The following ABCG2 variants were observed in gnomAD, a reference collection of about 807,000 sequenced individuals.
The protein encoded by ABCG2 is ATP binding cassette subfamily G member 2 (JR blood group), also known as broad substrate specificity ATP-binding cassette transporter ABCG2.
ABCG2 carries 80 observed loss-of-function variants against 73.5 expected under a neutral mutation model. The ratio of observed to expected loss-of-function variants is 1.09; its 90% CI spans 0.91 to 1.31. The LOEUF (loss-of-function observed/expected upper bound fraction) is 1.31, where lower values mean the gene tolerates loss of function less well. ABCG2 is among the 50% of genes most tolerant of loss of function. ABCG2 has a pLI of 0.00. For synonymous variants in ABCG2, 269 were observed against 282.4 expected (o/e 0.95, Z 0.48); for missense variants, 796 against 786.2 (o/e 1.01, Z -0.15).
rs1314673899 is a variant in ABCG2 at position 88,139,782 on chromosome 4, C to T, written c.203+11G>A. 2 of 1,610,584 alleles carry T rather than the reference C, an allele frequency of 1.2e-6. No homozygotes were observed. Among genetic ancestry groups the T allele is most frequent in the East Asian group, 4.5e-5 (2 of 44,828 alleles). ...TTAAAAAGCTGTCTTTTTACAAGTT[C>T]ATGTACATACTTGATATTCGATAAT... is the stretch of plus-strand genomic sequence containing the variant. On this transcript the variant is annotated intron_variant, in intron 2 of 15. Coordinates refer to ENST00000237612, the MANE Select transcript of ABCG2 (RefSeq NM_004827.3).
At chr4:88,159,050 C>T, upstream of ABCG2, 3 of 434,030 alleles carry the variant, frequency 6.9e-6, no homozygotes, top group Non-Finnish European at 1.4e-5. Context: ...GCTGAGCCGC[C>T]AGCAGGACTG....
At chr4:88,120,003 C>A (rs979232894) in intron 6 of ABCG2, among the ~76,000 whole-genome samples, 4 of 152,168 alleles carry the variant, frequency 2.6e-5, no homozygotes, top group African/African-American at 9.7e-5. Flanking sequence ...TTTACAGCAG[C>A]TCCTCCCATC....
At chr4:88,147,054 G>GAAAGAAAGAAAGAAAGAAAGAAAA (rs1560713877) in intron 1 of ABCG2, among the ~76,000 whole-genome samples, 21 of 82,240 alleles carry the variant, frequency 2.6e-4, no homozygotes, top group African/African-American at 1.3e-3. Flanking sequence ...AGAAAAGAAA[G>GAAAGAAAGAAAGAAAGAAAGAAAA]GTAAAGGAAA....
intron 1 of ABCG2, among the ~76,000 whole-genome samples, chr4:88,229,073 C>G (rs1730348088): frequency 6.6e-6 from 1 of 152,254 alleles, no homozygotes; most frequent in South Asian, 2.1e-4. Context: ...CCCTTCCACA[C>G]TGTGAAAGCT....
chr4:88,149,885 ACTT>A (rs1726333571), intron 1 of ABCG2, among the ~76,000 whole-genome samples: 1 of 152,126 alleles, frequency 6.6e-6, no homozygotes. Context: ...TATTTACTAG[ACTT>A]CTATTATCTG....
At position 88,131,915 on chromosome 4, in the gene ABCG2, A is replaced by AACCT; in HGVS notation, c.264-2_265dup (p.Leu89Ter). ...TTTCCTTGCAGCTAAGACATCTAAT[A>AACCT]ACCTATAAGAGGACATATATGTTGT... On this transcript the variant is annotated stop_gained and frameshift_variant and splice_region_variant, in exon 4 of 16. Transcript: ENST00000237612. LOFTEE classifies it high-confidence loss of function. The AACCT allele has an allele frequency of 6.2e-7, 1 of 1,610,858 alleles. No homozygotes were observed. Among genetic ancestry groups the AACCT allele is most frequent in the Non-Finnish European group, 8.5e-7 (1 of 1,177,212 alleles).
chr4:88,215,060 C>A (rs1402669455), intron 1 of ABCG2, among the ~76,000 whole-genome samples: 1 of 152,070 alleles, frequency 6.6e-6, no homozygotes, highest in African/African-American at 2.4e-5. Context: ...TCACTGCACT[C>A]CAGCCTGGGT....
chr4:88,230,305 ATATTTTTTT>A lies in ABCG2; in HGVS notation c.-20+680_-20+688del, dbSNP rs1162675410. ...CACCGCACCTGTTATATATATATAT[ATATTTTTTT>A]TTTTGGCCACATATATATATATATA... On this transcript the variant is annotated intron_variant, in intron 1 of 15. Coordinates refer to the ABCG2 transcript ENST00000515655. Among the ~76,000 whole-genome samples the A allele has an allele frequency of 9.1e-4, 4 of 4,392 alleles. 1 individual carries two copies. The highest frequency in any genetic ancestry group is 2.4e-3 in the African/African-American group (4 of 1,672). 2.9% of individuals were successfully genotyped at this position (4,392 alleles called of 152,430 possible). A position where few individuals can be genotyped will look rare whatever the true frequency, so the allele number is the denominator to read the frequency against.
At chr4:88,147,045 G>GAAAGAAAGAAAGAAAGAAAGAAAGAA (rs1553938164) in intron 1 of ABCG2, among the ~76,000 whole-genome samples, 13 of 133,194 alleles carry the variant, frequency 9.8e-5, no homozygotes, top group African/African-American at 3.5e-4. Flanking sequence ...AAGAAAGAAA[G>GAAAGAAAGAAAGAAAGAAAGAAAGAA]AAAAGAAAGG....
At chr4:88,099,563 C>T in intron 11 of ABCG2, 115 bp from the exon 12 acceptor site, 1 of 1,096,044 alleles carries the variant, frequency 9.1e-7, no homozygotes, top group South Asian at 1.7e-5. Flanking sequence ...AAGCCAGCTT[C>T]CCACATCCTC....
In ABCG2 at chr4:88,118,157, TAAG is replaced by T; in HGVS notation, c.790_792del (p.Leu264del). 2.5e-6 allele frequency: 4 copies of T among 1,614,116 alleles called. No individual in the cohort carries two copies. Among genetic ancestry groups the T allele is most frequent in the Non-Finnish European group, 3.4e-6 (4 of 1,180,000 alleles). On this transcript the variant is annotated inframe_deletion, in exon 7 of 16. Transcript: ENST00000237612. ...GCCTCCTGAGCAGGCCCGTGGAACATAAGTCTTCCTGAGGCCAATAAGGTGAGG... is the reference window on the plus strand; with the variant it reads ...GCCTCCTGAGCAGGCCCGTGGAACATTCTTCCTGAGGCCAATAAGGTGAGG...
chr4:88,204,492 A>T (rs567862367), intron 1 of ABCG2, among the ~76,000 whole-genome samples: 13 of 152,314 alleles, frequency 8.5e-5, no homozygotes, highest in Non-Finnish European at 1.6e-4. Flanking sequence ...TATAATATTG[A>T]TGATATATGT....
chr4:88,159,717 C>T (rs376340434), upstream of ABCG2, among the ~76,000 whole-genome samples: 88 of 152,184 alleles, frequency 5.8e-4, 1 homozygote, highest in African/African-American at 2.0e-3. Context: ...TAATGGTTCA[C>T]CCAATGCAGG....
chr4:88,138,376 T>G (rs1248884958), intron 2 of ABCG2, among the ~76,000 whole-genome samples: 2 of 152,160 alleles, frequency 1.3e-5, no homozygotes, highest in African/African-American at 4.8e-5. Context: ...ATCACAACTT[T>G]TTAAATTCTC....
At chr4:88,143,992 A>C (rs1725805953) in intron 1 of ABCG2, among the ~76,000 whole-genome samples, 1 of 152,174 alleles carries the variant, frequency 6.6e-6, no homozygotes, top group East Asian at 1.9e-4. Context: ...CTTTAAGCAA[A>C]CACCAGTCTT....
chr4:88,175,311 G>A (rs7658211), intron 1 of ABCG2, among the ~76,000 whole-genome samples: 36,138 of 152,002 alleles, frequency 0.24, 5,680 homozygotes, highest in African/African-American at 0.45. Flanking sequence ...GTATACTTCC[G>A]TTAGGAAGCT....
chr4:88,151,714 G>A (rs1206817035), intron 1 of ABCG2, among the ~76,000 whole-genome samples: 5 of 151,342 alleles, frequency 3.3e-5, no homozygotes, highest in Admixed American at 6.6e-5. Flanking sequence ...ACTCCAGCCT[G>A]GGCGACAGAG....
At chr4:88,221,554 G>A (rs940557189) in intron 1 of ABCG2, among the ~76,000 whole-genome samples, 10 of 152,154 alleles carry the variant, frequency 6.6e-5, no homozygotes, top group African/African-American at 2.4e-4. Flanking sequence ...ACTTCCTGGA[G>A]ACTTTTTAAA....
chr4:88,140,395 C>T (rs1725549032), intron 1 of ABCG2, among the ~76,000 whole-genome samples: 1 of 152,138 alleles, frequency 6.6e-6, no homozygotes, highest in African/African-American at 2.4e-5. Flanking sequence ...ACATGCTCAT[C>T]ATCAGAATCT....
Sources: gnomAD v4.1 joint callset for allele counts (sites outside exome capture counted in the v4.1 genomes callset) on GRCh38, gnomAD v4.1.1 for gene constraint, MANE v1.5 for transcripts, NCBI Gene and HGNC (gene_info 2026-07-23, HGNC 2026-07-21) for gene names.